Variants in ANXA8 observed in about 807,000 individuals in gnomAD.
The protein encoded by ANXA8 is annexin A8.
A neutral mutation model predicts 26.8 loss-of-function variants in ANXA8; 9 were observed. That is an observed-to-expected ratio of 0.34 (90% confidence interval 0.20 to 0.59). The LOEUF (loss-of-function observed/expected upper bound fraction) is 0.59. Among genes scored for constraint, ANXA8 ranks in the 20% least tolerant of loss-of-function variants. The pLI, the probability that ANXA8 is intolerant of heterozygous loss-of-function variation, is 0.84. For synonymous variants in ANXA8, 39 were observed against 94.8 expected (o/e 0.41, Z 3.42); for missense variants, 83 against 238.5 (o/e 0.35, Z 4.29).
the ANXA8 span, among the ~76,000 whole-genome samples, chr10:47,667,212 C>A: frequency 3.9e-5 from 6 of 152,132 alleles, no homozygotes; most frequent in East Asian, 7.7e-4. Context: ...ATATTTGATA[C>A]CTTATGTTTT....
At chr10:47,638,869 G>T in the ANXA8 span, among the ~76,000 whole-genome samples, 10 of 133,728 alleles carry the variant, frequency 7.5e-5, no homozygotes, top group South Asian at 2.3e-3. Flanking sequence ...TACAGGATGA[G>T]AAAGTAGTTT....
At chr10:47,644,733 GT>G in the ANXA8 span, among the ~76,000 whole-genome samples, 1 of 150,904 alleles carries the variant, frequency 6.6e-6, no homozygotes, top group African/African-American at 2.4e-5. Flanking sequence ...ATCTATATAG[GT>G]TTTTATTTTA....
At chr10:47,695,738 A>G in the ANXA8 span, among the ~76,000 whole-genome samples, 2 of 149,662 alleles carry the variant, frequency 1.3e-5, no homozygotes, top group African/African-American at 4.9e-5. Context: ...TGCCTTAGAG[A>G]TAGCTCCCTT....
At chr10:47,487,250 G>A (rs1840064640), upstream of ANXA8, 11 of 1,249,996 alleles carry the variant, frequency 8.8e-6, no homozygotes, top group Non-Finnish European at 1.2e-5. Context: ...TTGAGACTGG[G>A]GAAGGGCCGT....
At chr10:47,763,609 C>T in the ANXA8 span, 5 of 322,466 alleles carry the variant, frequency 1.6e-5, no homozygotes, top group African/African-American at 1.1e-4. Context: ...CCCGTGCCCA[C>T]TAGTCCAGGC....
chr10:47,688,567 A>C, the ANXA8 span, among the ~76,000 whole-genome samples: 2 of 151,460 alleles, frequency 1.3e-5, no homozygotes, highest in Non-Finnish European at 2.9e-5. Flanking sequence ...GACTATAGGC[A>C]TGGGCCATCA....
At chr10:47,630,269 ATG>A in the ANXA8 span, among the ~76,000 whole-genome samples, 1 of 147,414 alleles carries the variant, frequency 6.8e-6, no homozygotes, top group African/African-American at 2.6e-5. Flanking sequence ...TTTAGAAGAA[ATG>A]TGTGTGTGTG....
chr10:47,638,890 C>G, the ANXA8 span, among the ~76,000 whole-genome samples: 1 of 139,672 alleles, frequency 7.2e-6, no homozygotes, highest in Non-Finnish European at 1.5e-5. Context: ...ATATGAAAGT[C>G]ATAGAAAGCT....
chr10:47,933,425 T>C, the ANXA8 span, among the ~76,000 whole-genome samples: 2 of 37,532 alleles, frequency 5.3e-5, no homozygotes, highest in Admixed American at 4.5e-4. Flanking sequence ...AAGTCCCCCA[T>C]AGAAGAAATC....
chr10:47,940,468 T>C, the ANXA8 span, among the ~76,000 whole-genome samples: 1 of 146,476 alleles, frequency 6.8e-6, no homozygotes, highest in South Asian at 2.1e-4. Context: ...AAAAAATAGC[T>C]CTCCATACAA....
the ANXA8 span, among the ~76,000 whole-genome samples, chr10:47,699,848 A>T: frequency 1.4e-4 from 22 of 151,778 alleles, no homozygotes; most frequent in Admixed American, 7.9e-4. Flanking sequence ...AAATAATAAT[A>T]ATAGTAATTA....
chr10:47,639,316 T>TTA, the ANXA8 span, among the ~76,000 whole-genome samples: 2 of 88,142 alleles, frequency 2.3e-5, no homozygotes, highest in Admixed American at 1.3e-4. Context: ...TTATTATTAT[T>TTA]TTTTTTTTTT....
At chr10:47,747,336 G>C in the ANXA8 span, among the ~76,000 whole-genome samples, 7 of 151,106 alleles carry the variant, frequency 4.6e-5, no homozygotes, top group Admixed American at 2.6e-4. Flanking sequence ...GGCATCTGCT[G>C]AGTTAAGCTA....
chr10:47,686,920 G>T, the ANXA8 span, among the ~76,000 whole-genome samples: 4 of 151,400 alleles, frequency 2.6e-5, no homozygotes, highest in African/African-American at 9.7e-5. Context: ...ACAAGTTTGT[G>T]GGGGCGGGGG....
the ANXA8 span, among the ~76,000 whole-genome samples, chr10:47,493,562 A>C: frequency 6.7e-6 from 1 of 149,862 alleles, no homozygotes; most frequent in Non-Finnish European, 1.5e-5. Context: ...CAGACCCCAC[A>C]GACCCCCTCC....
the ANXA8 span, among the ~76,000 whole-genome samples, chr10:47,977,638 G>A: frequency 6.6e-6 from 1 of 151,206 alleles, no homozygotes; most frequent in East Asian, 1.9e-4. Flanking sequence ...TATAAAAAAG[G>A]GAAAAAAATA....
chr10:47,560,226 T>C, the ANXA8 span, among the ~76,000 whole-genome samples: 5 of 151,796 alleles, frequency 3.3e-5, no homozygotes, highest in Non-Finnish European at 2.9e-5. Flanking sequence ...ATATCATTGG[T>C]TCCAGCAGTT....
chr10:47,546,636 G>A, the ANXA8 span, among the ~76,000 whole-genome samples: 1 of 135,156 alleles, frequency 7.4e-6, no homozygotes, highest in African/African-American at 2.7e-5. Flanking sequence ...TCGATCTCCT[G>A]ACCCCGTGAT....
At chr10:47,969,555 T>C in the ANXA8 span, among the ~76,000 whole-genome samples, 3 of 145,282 alleles carry the variant, frequency 2.1e-5, no homozygotes, top group African/African-American at 7.5e-5. Flanking sequence ...TAGAAGCTGA[T>C]GGAGTTCCTT....
Sources: allele counts gnomAD v4.1 joint callset (sites outside exome capture counted in the v4.1 genomes callset), GRCh38; gene constraint gnomAD v4.1.1; transcripts MANE v1.5; gene names NCBI Gene and HGNC (gene_info 2026-07-23, HGNC 2026-07-21).